The following ISLR2 variants were observed in gnomAD, a reference collection of about 807,000 sequenced individuals.
ISLR2 encodes the protein immunoglobulin superfamily containing leucine rich repeat 2, also known as immunoglobulin superfamily containing leucine-rich repeat protein 2.
A neutral mutation model predicts 25.5 loss-of-function variants in ISLR2; 16 were observed. The ratio of observed to expected loss-of-function variants is 0.63; its 90% CI spans 0.43 to 0.95. The LOEUF (loss-of-function observed/expected upper bound fraction) is 0.95. Ranked by LOEUF, ISLR2 falls within the 40% of genes least tolerant of loss-of-function variation. The probability of loss-of-function intolerance (pLI) is 0.00; values close to 1 mark genes in which losing one functional copy is unlikely to be tolerated. For missense variants in ISLR2, 883 were observed against 1,030.7 expected, an observed-to-expected ratio of 0.86 and a Z score of 1.96; for synonymous variants, 508 against 486.6, an observed-to-expected ratio of 1.04 and a Z score of -0.58.
At chr15:74,139,157 C>T (rs1011292552), downstream of ISLR2, among the ~76,000 whole-genome samples, 4 of 152,200 alleles carry the variant, frequency 2.6e-5, no homozygotes, top group East Asian at 7.7e-4. Context: ...CTCAGCTAGA[C>T]CTTGTGCCTT....
At chr15:74,100,657 A>C (rs925920478) in intron 1 of ISLR2, among the ~76,000 whole-genome samples, 1 of 132,314 alleles carries the variant, frequency 7.6e-6, no homozygotes, top group Non-Finnish European at 1.6e-5. Context: ...AATTGTACCT[A>C]TTAGAAATAT....
Position 74,134,277 on chromosome 15 carries a change from G to C in ISLR2, c.1523G>C (p.Arg508Pro), listed in dbSNP as rs533474834. 7 of 1,553,226 alleles carry C rather than the reference G, an allele frequency of 4.5e-6. No homozygotes were observed. The African/African-American group carries it at 9.5e-5, about 21-fold the overall frequency. Reference sequence around the variant, plus strand: ...GTGCAGCTGACTCCGCTGGCTGCGCGCTGGGGCCCTGGGCCCGGCGGGGCT... The same window carrying C: ...GTGCAGCTGACTCCGCTGGCTGCGCCCTGGGGCCCTGGGCCCGGCGGGGCT... ...ARVQLTPLAARWGPGPGGAGG... is the reference protein window; with the variant it reads ...ARVQLTPLAAPWGPGPGGAGG... The change falls in exon 3 of 3, where the codon CGC becomes CCC. Residue 508 changes from arginine (R) to proline (P), a missense_variant. By Grantham distance (103) the Arg-to-Pro change is moderately radical. Around this residue, in one of 2 missense-constraint regions of ISLR2, gnomAD observed 612 missense variants for 642.8 expected, o/e 0.95. Coordinates refer to ENST00000453268, the MANE Select transcript of ISLR2 (RefSeq NM_020851.3).
In ISLR2 at chr15:74,132,769, G is replaced by T. The variant is rs764357404; in HGVS notation, c.15G>T (p.Arg5=). ...CAGGAGCCGCGATGTTCCCCCTTCG[G>T]GCCCTGTGGTTGGTCTGGGCGCTTC... The part of the protein sequence containing the change: MFPL[R]ALWLVWALLG... The change falls in exon 3 of 3, where the codon CGG becomes CGT. Residue 5 remains arginine (R), a synonymous_variant. Transcript: ENST00000453268. The surrounding 1 kb of genome is among the most constrained non-coding windows in gnomAD (Gnocchi z 4.3). 1.2e-6 allele frequency: 2 copies of T among 1,610,350 alleles called. No individual in the cohort carries two copies. The highest frequency in any genetic ancestry group is 1.7e-6 in the Non-Finnish European group (2 of 1,176,840).
At chr15:74,105,652 A>G (rs2072113871) in intron 2 of ISLR2, among the ~76,000 whole-genome samples, 1 of 150,092 alleles carries the variant, frequency 6.7e-6, no homozygotes. Flanking sequence ...TAGAAAGATA[A>G]GGTGGGACAT....
At chr15:74,139,190 G>A (rs116934115), downstream of ISLR2, among the ~76,000 whole-genome samples, 1,471 of 152,232 alleles carry the variant, frequency 9.7e-3, 9 homozygotes, top group Middle Eastern at 0.027. Context: ...AGGCCCAAAG[G>A]CTCCAACCAC....
chr15:74,110,825 G>A lies in ISLR2; in HGVS notation n.228+6911G>A, dbSNP rs1176884841. 1.3e-5 allele frequency among the ~76,000 whole-genome samples: 2 copies of A among 152,170 alleles called. 1 individual carries two copies. Among genetic ancestry groups the A allele is most frequent in the African/African-American group, 4.8e-5 (2 of 41,446 alleles). ...TACAAAAAAATTAGCTGGGCGTGGT[G>A]GCGGGCACCTGTAATCCCAGCTGCT... On this transcript the variant is annotated intron_variant and non_coding_transcript_variant, in intron 2 of 3. Coordinates refer to the ISLR2 transcript ENST00000561975.
intron 2 of ISLR2, among the ~76,000 whole-genome samples, chr15:74,107,360 C>G (rs1014843646): frequency 2.6e-5 from 4 of 152,178 alleles, no homozygotes; most frequent in Non-Finnish European, 5.9e-5. Context: ...GGGCTGTGAC[C>G]AGGGTGCAGG....
At chr15:74,110,311 T>A (rs1226485491) in intron 2 of ISLR2, among the ~76,000 whole-genome samples, 1 of 152,248 alleles carries the variant, frequency 6.6e-6, no homozygotes, top group African/African-American at 2.4e-5. Flanking sequence ...GTTTGGCAGC[T>A]TCTTTAATCA....
At chr15:74,124,004 A>G (rs796841464), upstream of ISLR2, among the ~76,000 whole-genome samples, 8 of 152,006 alleles carry the variant, frequency 5.3e-5, no homozygotes, top group African/African-American at 1.9e-4. Flanking sequence ...AAATAAATCA[A>G]TCGATCCAAG....
rs141520519 is a variant in ISLR2, at chr15:74,134,584, C to T, written c.1830C>T (p.Gly610=). The change falls in exon 3 of 3, where the codon GGC becomes GGT. Residue 610 remains glycine, a synonymous_variant. Transcript: ENST00000453268. ...TGCTGGCCACAGTGCCCCTTCTGGGCGCCGCCTGCTGCCATCTGCTGGCTA... is the reference window on the plus strand; with the variant it reads ...TGCTGGCCACAGTGCCCCTTCTGGGTGCCGCCTGCTGCCATCTGCTGGCTA... ...LLVLATVPLL[G]AACCHLLAKH... is the part of the protein sequence containing the mutation. 11,786 of 1,614,178 alleles carry T rather than the reference C, an allele frequency of 7.3e-3. 54 individuals are homozygous for T. Among genetic ancestry groups the T allele is most frequent in the Non-Finnish European group, 9.1e-3 (10,715 of 1,180,038 alleles).
intron 2 of ISLR2, among the ~76,000 whole-genome samples, chr15:74,113,026 G>A (rs368326364): frequency 1.1e-4 from 17 of 152,126 alleles, no homozygotes; most frequent in South Asian, 4.1e-4. Flanking sequence ...TTCTACAGAC[G>A]GGGTCAGGGG....
Position 74,132,648 on chromosome 15 carries a change from T to C in ISLR2, c.-8-99T>C, listed in dbSNP as rs928744610. On this transcript the variant is annotated intron_variant, in intron 2 of 2. Transcript: ENST00000453268. The surrounding 1 kb of genome is among the most constrained non-coding windows in gnomAD (Gnocchi z 4.3). The stretch of plus-strand genomic sequence containing the variant: ...GAGGAGGTTACCGGAGCCCTGGAAC[T>C]AGTGCTAAACGGGCTTGCGGAGGCA... The C allele has an allele frequency of 1.4e-6, 2 of 1,449,536 alleles. No homozygotes were observed. Among genetic ancestry groups the C allele is most frequent in the Non-Finnish European group, 1.8e-6 (2 of 1,094,688 alleles). The allele number at this position is 1,449,536 out of a possible 1,614,324, so 89.8% of individuals were successfully genotyped here.
chr15:74,109,956 G>A (rs1000215185), intron 2 of ISLR2, among the ~76,000 whole-genome samples: 43 of 152,164 alleles, frequency 2.8e-4, no homozygotes, highest in African/African-American at 6.5e-4. Flanking sequence ...CACCACGCCC[G>A]GATGTTTTTT....
intron 2 of ISLR2, among the ~76,000 whole-genome samples, chr15:74,122,942 T>A (rs966520505): frequency 2.0e-5 from 3 of 152,116 alleles, no homozygotes; most frequent in African/African-American, 7.2e-5. Context: ...TGTGTGTTTA[T>A]TGTGGCCTTT....
chr15:74,106,548 C>T (rs2072121082), intron 2 of ISLR2, among the ~76,000 whole-genome samples: 1 of 152,102 alleles, frequency 6.6e-6, no homozygotes, highest in South Asian at 2.1e-4. Flanking sequence ...AGGCTGGATC[C>T]CACCACTGAG....
In ISLR2 at chr15:74,133,613, G is replaced by A; in HGVS notation, c.859G>A (p.Val287Ile). 1 of 1,614,058 alleles carries A rather than the reference G, an allele frequency of 6.2e-7. No homozygotes were observed. The highest frequency in any genetic ancestry group is 8.5e-7 in the Non-Finnish European group (1 of 1,179,988). The change falls in exon 3 of 3, where the codon GTT becomes ATT. Residue 287 changes from valine (V) to isoleucine (I), a missense_variant. Physicochemically the swap from Val to Ile is conservative, Grantham distance 29 (BLOSUM62 3). Around this residue, in one of 2 missense-constraint regions of ISLR2, gnomAD observed 612 missense variants for 642.8 expected, o/e 0.95. Coordinates refer to ENST00000453268, the MANE Select transcript of ISLR2 (RefSeq NM_020851.3). ...PGGTVVLEPP[V>I]LSGEDDGVGA... ...TGGCACCGTAGTCTTAGAGCCACCGGTTCTGAGCGGGGAGGACGACGGGGT... is the reference window on the plus strand; with the variant it reads ...TGGCACCGTAGTCTTAGAGCCACCGATTCTGAGCGGGGAGGACGACGGGGT...
intron 2 of ISLR2, among the ~76,000 whole-genome samples, chr15:74,122,297 T>C (rs2072259162): frequency 6.6e-6 from 1 of 152,228 alleles, no homozygotes; most frequent in South Asian, 2.1e-4. Context: ...AGGCTGTCAT[T>C]GCATCTCCCT....
intron 1 of ISLR2, among the ~76,000 whole-genome samples, chr15:74,102,548 C>T (rs998413705): frequency 3.3e-5 from 5 of 150,714 alleles, no homozygotes; most frequent in African/African-American, 1.2e-4. Context: ...TAATCACTTG[C>T]AAGGCTTGTG....
chr15:74,126,944 GTGTGTGTGT>G (rs2141942005), upstream of ISLR2: 1 of 138,110 alleles, frequency 7.2e-6, no homozygotes, highest in African/African-American at 3.0e-5. Context: ...GTGTGTGTGT[GTGTGTGTGT>G]CTGTGCGCGC....
Sources: gnomAD v4.1 joint callset for allele counts (sites outside exome capture counted in the v4.1 genomes callset) on GRCh38, gnomAD v4.1.1 for gene constraint, gnomAD v4.1.1 regional missense constraint, Gnocchi (gnomAD v3.1) non-coding constraint, MANE v1.5 for transcripts, NCBI Gene and HGNC (gene_info 2026-07-23, HGNC 2026-07-21) for gene names.